RAPGEF5: variants seen among roughly 807,000 people sequenced by gnomAD.
The protein encoded by RAPGEF5 is Rap guanine nucleotide exchange factor 5, also known as M-Ras-regulated GEF.
Under a neutral mutation model 125.2 loss-of-function variants are expected in RAPGEF5, and 65 were observed. The ratio of observed to expected loss-of-function variants is 0.52; its 90% CI spans 0.43 to 0.64. RAPGEF5 has a LOEUF of 0.64. Among genes scored for constraint, RAPGEF5 ranks in the 30% least tolerant of loss-of-function variants. The probability of loss-of-function intolerance (pLI) is 0.00; values close to 1 mark genes in which losing one functional copy is unlikely to be tolerated. For missense variants in RAPGEF5, 958 were observed against 1,048.1 expected (o/e 0.91, Z 1.19); for synonymous variants, 391 against 385.9 (o/e 1.01, Z -0.16).
chr7:22,187,976 T>C (rs982440984), intron 11 of RAPGEF5, among the ~76,000 whole-genome samples: 5 of 152,236 alleles, frequency 3.3e-5, no homozygotes, highest in African/African-American at 1.2e-4. Flanking sequence ...GCTGTTTTGT[T>C]AAAAGCATCA....
intron 18 of RAPGEF5, among the ~76,000 whole-genome samples, chr7:22,148,939 C>T (rs1783531381): frequency 6.6e-6 from 1 of 152,056 alleles, no homozygotes; most frequent in South Asian, 2.1e-4. Context: ...TGTGCAGCAC[C>T]CAGTTGGTTA....
At chr7:22,256,703 A>G (rs950104676) in intron 7 of RAPGEF5, among the ~76,000 whole-genome samples, 1 of 152,218 alleles carries the variant, frequency 6.6e-6, no homozygotes, top group African/African-American at 2.4e-5. Flanking sequence ...CACAAATTTC[A>G]TATGATCTAA....
intron 1 of RAPGEF5, among the ~76,000 whole-genome samples, chr7:22,344,738 A>G (rs891157209): frequency 1.3e-5 from 2 of 152,222 alleles, no homozygotes; most frequent in Non-Finnish European, 2.9e-5. Context: ...ATGGGCGATG[A>G]TGCTCCAAAT....
chr7:22,346,539 G>A (rs888641395), intron 1 of RAPGEF5, among the ~76,000 whole-genome samples: 1 of 152,146 alleles, frequency 6.6e-6, no homozygotes, highest in Non-Finnish European at 1.5e-5. Context: ...CAACAGTAAT[G>A]AGAGATAAAA....
chr7:22,125,351 TGTAAAGTCACTC>T (rs1782704042), intron 25 of RAPGEF5: 1 of 388,398 alleles, frequency 2.6e-6, no homozygotes, highest in African/African-American at 2.1e-5. Context: ...TTTCTGAGTG[TGTAAAGTCACTC>T]TTCACAGCAT....
intron 9 of RAPGEF5, among the ~76,000 whole-genome samples, chr7:22,199,095 A>G (rs538066226): frequency 7.2e-5 from 11 of 152,344 alleles, no homozygotes; most frequent in African/African-American, 2.4e-4. Flanking sequence ...GTGAGAGTCA[A>G]AAGTTCTAGC....
At chr7:22,351,861 G>C (rs1490696047) in intron 1 of RAPGEF5, among the ~76,000 whole-genome samples, 2 of 152,192 alleles carry the variant, frequency 1.3e-5, no homozygotes, top group East Asian at 3.8e-4. Context: ...AAGCACTCCA[G>C]CTTGTACAAA....
At chr7:22,350,240 A>G (rs1222441204) in intron 1 of RAPGEF5, among the ~76,000 whole-genome samples, 1 of 152,226 alleles carries the variant, frequency 6.6e-6, no homozygotes, top group Non-Finnish European at 1.5e-5. Flanking sequence ...CAAGTTGCCA[A>G]TTACTGCCAC....
chr7:22,355,755 T>C (rs1784409222), intron 1 of RAPGEF5, among the ~76,000 whole-genome samples: 1 of 152,130 alleles, frequency 6.6e-6, no homozygotes, highest in South Asian at 2.1e-4. Flanking sequence ...GACCCTTCCC[T>C]ACCCAAAGGA....
chr7:22,121,742 C>G lies in RAPGEF5; in HGVS notation c.*664G>C, dbSNP rs1465238171. 2 of 152,600 alleles carry G rather than the reference C, an allele frequency of 1.3e-5. No individual in the cohort carries two copies. The highest frequency in any genetic ancestry group is 2.9e-5 in the Non-Finnish European group (2 of 68,054). 9.5% of individuals were successfully genotyped at this position (152,600 alleles called of 1,614,324 possible). A position where few individuals can be genotyped will look rare whatever the true frequency, so the allele number is the denominator to read the frequency against. On this transcript the variant is annotated 3_prime_UTR_variant, in exon 26 of 26. Coordinates refer to ENST00000665637, the MANE Select transcript of RAPGEF5 (RefSeq NM_012294.5). ...TGCCTATAGCTGCAAATCAGTTGTA[C>G]AGAAACTAATTTCACCTGCAAGCAT...
chr7:22,304,223 G>T (rs1783279200), intron 5 of RAPGEF5, among the ~76,000 whole-genome samples: 1 of 152,046 alleles, frequency 6.6e-6, no homozygotes, highest in Non-Finnish European at 1.5e-5. Context: ...GACCTGCAAT[G>T]GTTTAATAAT....
chr7:22,220,517 T>C (rs759341003), intron 8 of RAPGEF5, among the ~76,000 whole-genome samples: 7 of 152,186 alleles, frequency 4.6e-5, no homozygotes, highest in Non-Finnish European at 8.8e-5. Flanking sequence ...GAAGTTACCA[T>C]GGGGCATTAG....
Position 22,193,911 on chromosome 7 carries a change from T to C in RAPGEF5, c.1115+4A>G. 1 of 1,613,322 alleles carries C rather than the reference T, an allele frequency of 6.2e-7. No homozygotes were observed. Among genetic ancestry groups the C allele is most frequent in the East Asian group, 2.2e-5 (1 of 44,874 alleles). ...TGCCTCTGTGGCTGCAGGGAAACTC[T>C]CACCTCCAATGGCTCTCCGCACTCC... On this transcript the variant is annotated splice_donor_region_variant and intron_variant, in intron 10 of 25. Coordinates refer to ENST00000665637, the MANE Select transcript of RAPGEF5 (RefSeq NM_012294.5).
intron 9 of RAPGEF5, among the ~76,000 whole-genome samples, chr7:22,196,163 T>C (rs1785143393): frequency 6.6e-6 from 1 of 152,068 alleles, no homozygotes; most frequent in African/African-American, 2.4e-5. Flanking sequence ...AGCAGAAAAA[T>C]TAATGTACAA....
intron 6 of RAPGEF5, among the ~76,000 whole-genome samples, chr7:22,270,448 TCTAA>T (rs1782392154): frequency 6.6e-6 from 1 of 152,228 alleles, no homozygotes; most frequent in Admixed American, 6.5e-5. Flanking sequence ...TCTACTGTAA[TCTAA>T]CTGTGTTGTT....
At chr7:22,266,920 C>T (rs1583532545) in intron 7 of RAPGEF5, 44 bp downstream of exon 7, 2 of 1,558,650 alleles carry the variant, frequency 1.3e-6, no homozygotes, top group Non-Finnish European at 1.8e-6. Flanking sequence ...GAAATACCCC[C>T]AAAGAATTAG....
chr7:22,314,552 C>A, intron 3 of RAPGEF5: 1 of 834,786 alleles, frequency 1.2e-6, no homozygotes, highest in Non-Finnish European at 1.4e-6. Flanking sequence ...AAGGAATATC[C>A]TTTATTCTGA....
chr7:22,128,387 C>T (rs1325685192), intron 24 of RAPGEF5, among the ~76,000 whole-genome samples: 1 of 152,128 alleles, frequency 6.6e-6, no homozygotes, highest in East Asian at 1.9e-4. Context: ...AGTGTACTGG[C>T]CTGCATCAGT....
At chr7:22,190,395 GTA>G (rs1458713967) in intron 11 of RAPGEF5, among the ~76,000 whole-genome samples, 2 of 152,188 alleles carry the variant, frequency 1.3e-5, no homozygotes, top group African/African-American at 2.4e-5. Context: ...TATGAAAATA[GTA>G]TACATAGTAG....
Sources: gnomAD v4.1 joint callset for allele counts (sites outside exome capture counted in the v4.1 genomes callset) on GRCh38, gnomAD v4.1.1 for gene constraint, MANE v1.5 for transcripts, NCBI Gene and HGNC (gene_info 2026-07-23, HGNC 2026-07-21) for gene names.